DPF3: variants seen among roughly 807,000 people sequenced by gnomAD.
DPF3 encodes double PHD fingers 3, also known as zinc finger protein DPF3.
Under a neutral mutation model 56.8 loss-of-function variants are expected in DPF3, and 18 were observed. That is an observed-to-expected ratio of 0.32 (90% confidence interval 0.22 to 0.47). The LOEUF is 0.47. DPF3 is among the 20% of genes least tolerant of loss of function. The pLI is 1.00. For missense variants in DPF3, 403 were observed against 488.8 expected (o/e 0.82, Z 1.65); for synonymous variants, 188 against 180.2 (o/e 1.04, Z -0.35).
chr14:72,881,350 T>TTTAA (rs1450081662), intron 1 of DPF3, among the ~76,000 whole-genome samples: 2 of 151,518 alleles, frequency 1.3e-5, no homozygotes, highest in African/African-American at 2.4e-5. Context: ...TGTTGTTGTT[T>TTTAA]TTAACACAAA....
At chr14:72,836,059 T>A in intron 1 of DPF3, 1 of 985,386 alleles carries the variant, frequency 1.0e-6, no homozygotes, top group Non-Finnish European at 1.2e-6. Context: ...GAGACACAAG[T>A]GGCTTTGAAA....
At chr14:72,826,899 G>A (rs1883828063) in intron 1 of DPF3, among the ~76,000 whole-genome samples, 1 of 152,140 alleles carries the variant, frequency 6.6e-6, no homozygotes, top group African/African-American at 2.4e-5. Context: ...AAAATTAGCT[G>A]GGCATGGTGG....
rs529374885 is a variant in DPF3, at chr14:72,634,796, A to G, written c.872-5060T>C. ...TAGAGCAAGAAATACCCATATTGCT[A>G]TTTAAATAGCCTACTATAGTGGAGG... On this transcript the variant is annotated intron_variant, in intron 8 of 10. Transcript: ENST00000556509. Among the ~76,000 whole-genome samples the G allele has an allele frequency of 6.6e-5, 10 of 152,200 alleles. No individual in the cohort carries two copies. In the South Asian group the frequency reaches 2.1e-3, roughly 32 times the overall value.
intron 3 of DPF3, among the ~76,000 whole-genome samples, chr14:72,736,622 G>A (rs1338533016): frequency 6.6e-6 from 1 of 152,048 alleles, no homozygotes; most frequent in Non-Finnish European, 1.5e-5. Context: ...CTGACCACAG[G>A]AGGTCCCAGA....
intron 7 of DPF3, among the ~76,000 whole-genome samples, chr14:72,689,402 C>T (rs1887576877): frequency 6.6e-6 from 1 of 152,176 alleles, no homozygotes; most frequent in African/African-American, 2.4e-5. Context: ...ATTTCCACTT[C>T]ACTGGTGTCC....
intron 3 of DPF3, among the ~76,000 whole-genome samples, chr14:72,744,239 C>T (rs1261815643): frequency 6.6e-6 from 1 of 152,144 alleles, no homozygotes; most frequent in Non-Finnish European, 1.5e-5. Context: ...AATAATTTCA[C>T]CCAGGAACAA....
chr14:72,840,605 A>T (rs1884506182), intron 1 of DPF3, among the ~76,000 whole-genome samples: 1 of 152,204 alleles, frequency 6.6e-6, no homozygotes, highest in South Asian at 2.1e-4. Context: ...GGAATTATAC[A>T]TCATACACAG....
intron 1 of DPF3, among the ~76,000 whole-genome samples, chr14:72,839,878 G>T (rs995291078): frequency 2.0e-4 from 30 of 152,154 alleles, no homozygotes; most frequent in African/African-American, 7.2e-4. Flanking sequence ...GCAGGCGGGT[G>T]CTCACTCCAC....
At chr14:72,782,055 A>C (rs1891997230) in intron 1 of DPF3, among the ~76,000 whole-genome samples, 1 of 152,168 alleles carries the variant, frequency 6.6e-6, no homozygotes, top group East Asian at 1.9e-4. Flanking sequence ...CTATAGAAGC[A>C]GACTATTGAT....
At chr14:72,794,380 G>A (rs1892555970) in intron 1 of DPF3, among the ~76,000 whole-genome samples, 1 of 152,174 alleles carries the variant, frequency 6.6e-6, no homozygotes, top group Admixed American at 6.5e-5. Context: ...ACACAGATGA[G>A]CAGAAGCAGA....
At chr14:72,725,891 T>G (rs774069882) in intron 4 of DPF3, among the ~76,000 whole-genome samples, 1 of 152,210 alleles carries the variant, frequency 6.6e-6, no homozygotes, top group Non-Finnish European at 1.5e-5. Flanking sequence ...ACAGGTCTAG[T>G]AAATTCTTCT....
chr14:72,801,061 C>A (rs540560071), intron 1 of DPF3, among the ~76,000 whole-genome samples: 6 of 152,342 alleles, frequency 3.9e-5, no homozygotes, highest in African/African-American at 1.2e-4. Flanking sequence ...GTTAACACCA[C>A]CTTACCAATA....
intron 1 of DPF3, among the ~76,000 whole-genome samples, chr14:72,862,694 C>T (rs1885485254): frequency 6.6e-6 from 1 of 152,122 alleles, no homozygotes; most frequent in African/African-American, 2.4e-5. Context: ...TTTGCACCTG[C>T]TGTTCCCTCT....
chr14:72,852,669 A>G (rs774752768), intron 1 of DPF3, among the ~76,000 whole-genome samples: 3 of 152,228 alleles, frequency 2.0e-5, no homozygotes, highest in Non-Finnish European at 4.4e-5. Flanking sequence ...ATTCCTGGAA[A>G]ACTTGTATGT....
chr14:72,674,390 T>G (rs1379885188), intron 7 of DPF3, 22 bp from the exon 8 acceptor site: 1 of 1,608,278 alleles, frequency 6.2e-7, no homozygotes, highest in Non-Finnish European at 8.5e-7. Flanking sequence ...TTTAAAACAT[T>G]CCAATTTCAG....
intron 1 of DPF3, among the ~76,000 whole-genome samples, chr14:72,848,165 AT>A (rs1391939210): frequency 6.6e-6 from 1 of 150,716 alleles, no homozygotes; most frequent in Admixed American, 6.6e-5. Context: ...AATTTTTTTT[AT>A]TTTTTTTTGG....
chr14:72,670,375 C>G, intron 8 of DPF3: 1 of 986,040 alleles, frequency 1.0e-6, no homozygotes, highest in Non-Finnish European at 1.2e-6. Flanking sequence ...GGAGGAGGAG[C>G]CCAGGAGGCG....
intron 8 of DPF3, among the ~76,000 whole-genome samples, chr14:72,665,985 T>A (rs935755030): frequency 2.6e-5 from 4 of 152,240 alleles, no homozygotes; most frequent in African/African-American, 4.8e-5. Context: ...CAATGTTTTT[T>A]ATCTAATAAT....
chr14:72,739,016 G>A (rs1890018110), intron 3 of DPF3, among the ~76,000 whole-genome samples: 1 of 152,138 alleles, frequency 6.6e-6, no homozygotes, highest in Non-Finnish European at 1.5e-5. Context: ...GAGGTGGGTG[G>A]ATAACTTGAG....
Sources: gnomAD v4.1 joint callset for allele counts (sites outside exome capture counted in the v4.1 genomes callset) on GRCh38, gnomAD v4.1.1 for gene constraint, MANE v1.5 for transcripts, NCBI Gene and HGNC (gene_info 2026-07-23, HGNC 2026-07-21) for gene names.